SRL: variants seen among roughly 807,000 people sequenced by gnomAD.
The protein encoded by SRL is sarcalumenin.
A neutral mutation model predicts 39.5 loss-of-function variants in SRL; 23 were observed. The observed-to-expected ratio is 0.58, with a 90% CI of 0.42 to 0.82. SRL has a LOEUF of 0.82. Ranked by LOEUF, SRL falls within the 40% of genes least tolerant of loss-of-function variation. The pLI is 0.00. For missense variants in SRL, 592 were observed against 607.8 expected, an observed-to-expected ratio of 0.97 and a Z score of 0.27; for synonymous variants, 272 against 237.4, an observed-to-expected ratio of 1.15 and a Z score of -1.34.
At chr16:4,204,437 C>CCGGCCTCCAAGAAACAGCCA in intron 2 of SRL, 96 bp downstream of exon 2, 1 of 1,137,492 alleles carries the variant, frequency 8.8e-7, no homozygotes, top group Non-Finnish European at 1.3e-6. Context: ...AGATACAGCC[C>CCGGCCTCCAAGAAACAGCCA]CGGCACGCCC....
chr16:4,194,755 G>A (rs2052113388), intron 5 of SRL, among the ~76,000 whole-genome samples: 1 of 152,154 alleles, frequency 6.6e-6, no homozygotes, highest in South Asian at 2.1e-4. Flanking sequence ...AGGAGCACCA[G>A]GCACTCCAAA....
At chr16:4,193,207 C>T (rs567386151) in intron 5 of SRL, among the ~76,000 whole-genome samples, 2 of 152,294 alleles carry the variant, frequency 1.3e-5, no homozygotes, top group East Asian at 1.9e-4. Context: ...CTCACTCTGT[C>T]ACCCAGGCTG....
At chr16:4,233,577 CA>C (rs1298949896) in intron 1 of SRL, among the ~76,000 whole-genome samples, 1 of 151,942 alleles carries the variant, frequency 6.6e-6, no homozygotes, top group African/African-American at 2.4e-5. Flanking sequence ...GTGTTAGTTA[CA>C]TTTTTTTTTC....
At position 4,223,503 on chromosome 16, in the gene SRL, G is replaced by C. The variant is rs551216854; in HGVS notation, c.61+18504C>G. 3.2e-4 allele frequency among the ~76,000 whole-genome samples: 48 copies of C among 151,522 alleles called. No homozygotes were observed. In the South Asian group the frequency reaches 9.6e-3, roughly 30 times the overall value. On this transcript the variant is annotated intron_variant, in intron 1 of 5. Transcript: ENST00000399609. Reference sequence around the variant, plus strand: ...AACGATCCTCCCACCTCAGCCTCCCGAGTAGTGGGACTACAGGTGCATGCC... The same window carrying C: ...AACGATCCTCCCACCTCAGCCTCCCCAGTAGTGGGACTACAGGTGCATGCC...
intron 1 of SRL, among the ~76,000 whole-genome samples, chr16:4,224,448 G>A (rs1019215128): frequency 6.6e-6 from 1 of 152,128 alleles, no homozygotes; most frequent in Non-Finnish European, 1.5e-5. Context: ...GTTCATGCCT[G>A]TAATCCCAGC....
At chr16:4,233,145 G>A (rs370162206) in intron 1 of SRL, among the ~76,000 whole-genome samples, 64 of 152,364 alleles carry the variant, frequency 4.2e-4, no homozygotes, top group African/African-American at 1.4e-3. Flanking sequence ...AGAGCCACTT[G>A]GCTCAGCATT....
intron 1 of SRL, among the ~76,000 whole-genome samples, chr16:4,219,887 G>A (rs2052501935): frequency 6.6e-6 from 1 of 152,086 alleles, no homozygotes; most frequent in African/African-American, 2.4e-5. Flanking sequence ...AGAGACAAAG[G>A]ACAGTTGGTT....
intron 1 of SRL, among the ~76,000 whole-genome samples, chr16:4,241,029 G>A (rs969560854): frequency 2.0e-5 from 3 of 152,002 alleles, no homozygotes; most frequent in Non-Finnish European, 1.5e-5. Context: ...CTGTGCCCCT[G>A]CAACCCCCTA....
At chr16:4,241,976 C>T in intron 1 of SRL, 31 bp downstream of exon 1, 2 of 1,613,276 alleles carry the variant, frequency 1.2e-6, no homozygotes, top group Non-Finnish European at 1.7e-6. Flanking sequence ...GGGGACCAGT[C>T]TGGGCTGGGT....
chr16:4,192,427 G>A lies in SRL; in HGVS notation c.1148C>T (p.Thr383Ile). Reference sequence around the variant, plus strand: ...GCTGACATTGGTCTTTGCCAGGATGGTCTTGAAGATGTAGAATTTATCGGG... The same window carrying A: ...GCTGACATTGGTCTTTGCCAGGATGATCTTGAAGATGTAGAATTTATCGGG... ...EDPDKFYIFK[T>I]ILAKTNVSKF... The change falls in exon 6 of 6, where the codon ACC becomes ATC. Residue 383 changes from threonine (T) to isoleucine (I), a missense_variant. Physicochemically the swap from Thr to Ile is moderately conservative, Grantham distance 89. Coordinates refer to ENST00000399609, the MANE Select transcript of SRL (RefSeq NM_001098814.2). This position sits in a 1 kb window ranked among gnomAD's most constrained non-coding sequence, Gnocchi z 4.0. The A allele has an allele frequency of 1.9e-6, 3 of 1,614,214 alleles. No individual in the cohort carries two copies. The highest frequency in any genetic ancestry group is 2.5e-6 in the Non-Finnish European group (3 of 1,180,050).
At position 4,221,043 on chromosome 16, in the gene SRL, C is replaced by T. The variant is rs561161734; in HGVS notation, c.62-16409G>A. 6.7e-5 allele frequency among the ~76,000 whole-genome samples: 10 copies of T among 148,216 alleles called. No homozygotes were observed. The East Asian group carries it at 1.6e-3, about 23-fold the overall frequency. ...GGCCCTCATCGCCTGGGACCATGGG[C>T]TATTCCATTATTTTTTTTTTTTCGA... is the stretch of plus-strand genomic sequence containing the variant. On this transcript the variant is annotated intron_variant, in intron 1 of 5. Coordinates refer to ENST00000399609, the MANE Select transcript of SRL (RefSeq NM_001098814.2).
At chr16:4,197,741 C>A (rs868146779) in intron 4 of SRL, 58 bp downstream of exon 4, 6 of 1,263,156 alleles carry the variant, frequency 4.8e-6, no homozygotes, top group South Asian at 1.2e-5. Context: ...TTTAAATTTT[C>A]ATGGTGCTTT....
intron 1 of SRL, chr16:4,207,960 T>C (rs1567179901): frequency 2.2e-6 from 1 of 456,744 alleles, no homozygotes; most frequent in Non-Finnish European, 4.4e-6. Context: ...ATCTGGGTAG[T>C]GAAGGAGCAG....
chr16:4,213,931 T>C (rs1008668468), intron 1 of SRL, among the ~76,000 whole-genome samples: 3 of 152,168 alleles, frequency 2.0e-5, no homozygotes, highest in Non-Finnish European at 4.4e-5. Flanking sequence ...ATTCCAGGGA[T>C]GGGCTGGAAC....
chr16:4,193,444 C>A (rs1332896859), intron 5 of SRL, among the ~76,000 whole-genome samples: 1 of 152,254 alleles, frequency 6.6e-6, no homozygotes, highest in South Asian at 2.1e-4. Flanking sequence ...GGCAAAGATG[C>A]TGAGGGAGAG....
At chr16:4,229,751 A>C (rs1264581309) in intron 1 of SRL, among the ~76,000 whole-genome samples, 4 of 152,078 alleles carry the variant, frequency 2.6e-5, no homozygotes, top group Non-Finnish European at 5.9e-5. Flanking sequence ...TCCATGTAAA[A>C]AACCTGCACA....
At chr16:4,205,301 A>G (rs2141034578) in intron 1 of SRL, among the ~76,000 whole-genome samples, 1 of 152,282 alleles carries the variant, frequency 6.6e-6, no homozygotes, top group African/African-American at 2.4e-5. Flanking sequence ...GTCACACAGC[A>G]AGACCCTATC....
At chr16:4,238,162 C>T (rs949499125) in intron 1 of SRL, among the ~76,000 whole-genome samples, 5 of 152,284 alleles carry the variant, frequency 3.3e-5, no homozygotes, top group East Asian at 3.9e-4. Flanking sequence ...ACTTATGCTG[C>T]GATGAGGCCT....
chr16:4,203,475 C>T (rs1597272893), intron 2 of SRL, among the ~76,000 whole-genome samples: 1 of 152,192 alleles, frequency 6.6e-6, no homozygotes, highest in Admixed American at 6.5e-5. Flanking sequence ...AGGCATTCTC[C>T]TACCCACCCC....
Sources: allele counts gnomAD v4.1 joint callset (sites outside exome capture counted in the v4.1 genomes callset), GRCh38; gene constraint gnomAD v4.1.1; non-coding constraint Gnocchi (gnomAD v3.1); transcripts MANE v1.5; gene names NCBI Gene and HGNC (gene_info 2026-07-23, HGNC 2026-07-21).